The following CSMD1 variants were observed in gnomAD, a reference collection of about 807,000 sequenced individuals.
The protein encoded by CSMD1 is CUB and sushi domain-containing protein 1.
A neutral mutation model predicts 417.5 loss-of-function variants in CSMD1; 213 were observed. That is an observed-to-expected ratio of 0.51 (90% CI 0.46 to 0.57). The LOEUF (loss-of-function observed/expected upper bound fraction) is 0.57. Ranked by LOEUF, CSMD1 falls within the 20% of genes least tolerant of loss-of-function variation. The pLI is 0.00. For missense variants in CSMD1, 6,923 were observed against 4,529.7 expected, an observed-to-expected ratio of 1.53 and a Z score of -15.17; for synonymous variants, 2,862 against 1,736.8, an observed-to-expected ratio of 1.65 and a Z score of -16.11.
intron 1 of CSMD1, among the ~76,000 whole-genome samples, chr8:4,821,589 CAG>C (rs1001525818): frequency 2.6e-5 from 4 of 152,148 alleles, no homozygotes; most frequent in Non-Finnish European, 5.9e-5. Context: ...GCTCTTCCTA[CAG>C]AGTCTCATGC....
chr8:4,126,447 G>C (rs1182441100), intron 3 of CSMD1, among the ~76,000 whole-genome samples: 1 of 152,114 alleles, frequency 6.6e-6, no homozygotes, highest in East Asian at 1.9e-4. Context: ...AACCAACATA[G>C]TAACATAGAT....
At chr8:4,120,778 C>A (rs555588678) in intron 3 of CSMD1, among the ~76,000 whole-genome samples, 1 of 152,208 alleles carries the variant, frequency 6.6e-6, no homozygotes, top group East Asian at 1.9e-4. Context: ...TAAAACATGT[C>A]ACTTTCCAAA....
intron 3 of CSMD1, among the ~76,000 whole-genome samples, chr8:4,277,506 G>T (rs1215523214): frequency 6.6e-6 from 1 of 151,974 alleles, no homozygotes. Flanking sequence ...TTGTTTCCTG[G>T]TGCCATGTTT....
chr8:3,215,925 G>C (rs925949134), intron 29 of CSMD1, among the ~76,000 whole-genome samples: 12 of 150,972 alleles, frequency 7.9e-5, no homozygotes, highest in African/African-American at 2.9e-4. Flanking sequence ...ACCAAACAGA[G>C]ATGTCTTTGG....
intron 6 of CSMD1, among the ~76,000 whole-genome samples, chr8:3,711,034 AT>A (rs1347221853): frequency 6.6e-6 from 1 of 152,024 alleles, no homozygotes; most frequent in Non-Finnish European, 1.5e-5. Flanking sequence ...AGAAACACAT[AT>A]TATGTCTAAA....
chr8:4,886,438 A>T (rs1335017258), intron 1 of CSMD1, among the ~76,000 whole-genome samples: 1 of 152,064 alleles, frequency 6.6e-6, no homozygotes, highest in Non-Finnish European at 1.5e-5. Flanking sequence ...ATCTATATTC[A>T]TAAAAGATAT....
intron 4 of CSMD1, among the ~76,000 whole-genome samples, chr8:4,018,027 G>C (rs976793889): frequency 6.6e-6 from 1 of 152,058 alleles, no homozygotes. Flanking sequence ...ACTCGTAACT[G>C]TCATACCCAT....
At chr8:3,332,656 A>G (rs1367189889) in intron 23 of CSMD1, among the ~76,000 whole-genome samples, 1 of 152,194 alleles carries the variant, frequency 6.6e-6, no homozygotes, top group East Asian at 1.9e-4. Context: ...TATGTCTTCA[A>G]GTGTGTGTGG....
At chr8:4,596,200 G>T (rs752354354) in intron 2 of CSMD1, among the ~76,000 whole-genome samples, 2 of 152,140 alleles carry the variant, frequency 1.3e-5, no homozygotes, top group Non-Finnish European at 1.5e-5. Context: ...AGTAAGTTTG[G>T]TTTTGGTAGG....
intron 1 of CSMD1, among the ~76,000 whole-genome samples, chr8:4,706,403 A>T (rs1350231612): frequency 1.3e-5 from 2 of 152,230 alleles, no homozygotes; most frequent in Non-Finnish European, 2.9e-5. Context: ...AAAAGTGTAT[A>T]ATGAAATTGC....
At chr8:2,986,257 A>G (rs1805902376) in intron 54 of CSMD1, among the ~76,000 whole-genome samples, 1 of 152,216 alleles carries the variant, frequency 6.6e-6, no homozygotes, top group African/African-American at 2.4e-5. Context: ...CACTTGGCCA[A>G]GCATTGGTTT....
At chr8:3,920,442 TCTTA>T (rs1447714587) in intron 5 of CSMD1, among the ~76,000 whole-genome samples, 4 of 152,090 alleles carry the variant, frequency 2.6e-5, no homozygotes, top group African/African-American at 9.7e-5. Flanking sequence ...AAATTTTACT[TCTTA>T]CTTTCCAATT....
chr8:4,268,295 A>T (rs1804349728), intron 3 of CSMD1, among the ~76,000 whole-genome samples: 2 of 152,156 alleles, frequency 1.3e-5, no homozygotes, highest in South Asian at 4.1e-4. Context: ...AATGATGACT[A>T]CAGCTACATA....
chr8:4,908,478 G>C (rs13280574), intron 1 of CSMD1, among the ~76,000 whole-genome samples: 66,500 of 151,846 alleles, frequency 0.44, 14,945 homozygotes, highest in African/African-American at 0.47. Context: ...GTATTCCAAT[G>C]AATTTTACGG....
intron 3 of CSMD1, among the ~76,000 whole-genome samples, chr8:4,200,034 C>T (rs1391511844): frequency 6.6e-6 from 1 of 152,090 alleles, no homozygotes; most frequent in African/African-American, 2.4e-5. Context: ...TGTTGAGGTG[C>T]CATAAAATCC....
intron 1 of CSMD1, among the ~76,000 whole-genome samples, chr8:4,690,487 G>A (rs998704701): frequency 2.6e-5 from 4 of 152,060 alleles, no homozygotes; most frequent in African/African-American, 7.2e-5. Flanking sequence ...AGTTTTACTG[G>A]GTAATATAAA....
intron 2 of CSMD1, among the ~76,000 whole-genome samples, chr8:4,547,916 C>G (rs1797702223): frequency 6.6e-6 from 1 of 152,014 alleles, no homozygotes; most frequent in African/African-American, 2.4e-5. Context: ...AAAATAAAGG[C>G]CGAGAAAACA....
Position 3,307,612 on chromosome 8 carries a change from A to C in CSMD1, c.3950+83T>G, listed in dbSNP as rs1401928172. On this transcript the variant is annotated intron_variant, in intron 25 of 69. Transcript: ENST00000635120. ...TAGTTCAGAAACTTTAACCATGGAT[A>C]TTTGGTGTACCACTATCTCTGCTAC... 11 of 1,417,040 alleles carry C rather than the reference A, an allele frequency of 7.8e-6. No individual in the cohort carries two copies. In the East Asian group the frequency reaches 2.6e-4, roughly 33 times the overall value. 87.8% of individuals were successfully genotyped at this position (1,417,040 alleles called of 1,614,324 possible).
At chr8:4,377,614 T>A (rs1391655273) in intron 3 of CSMD1, among the ~76,000 whole-genome samples, 1 of 152,176 alleles carries the variant, frequency 6.6e-6, no homozygotes, top group Non-Finnish European at 1.5e-5. Flanking sequence ...TTTTATGATG[T>A]GCAAAACTAG....
Sources: gnomAD v4.1 joint callset for allele counts (sites outside exome capture counted in the v4.1 genomes callset) on GRCh38, gnomAD v4.1.1 for gene constraint, MANE v1.5 for transcripts, NCBI Gene and HGNC (gene_info 2026-07-23, HGNC 2026-07-21) for gene names.